TUBB3: variants seen among roughly 807,000 people sequenced by gnomAD.
TUBB3 encodes the protein tubulin beta-3 chain.
TUBB3 carries 17 observed loss-of-function variants against 37.8 expected under a neutral mutation model. That is an observed-to-expected ratio of 0.45 (90% CI 0.31 to 0.67). The LOEUF is 0.67. Among genes scored for constraint, TUBB3 ranks in the 30% least tolerant of loss-of-function variants. The pLI, the probability that TUBB3 is intolerant of heterozygous loss-of-function variation, is 0.07. For synonymous variants in TUBB3, 332 were observed against 278.9 expected (o/e 1.19, Z -1.90); for missense variants, 262 against 657.9 (o/e 0.40, Z 6.58).
intron 1 of TUBB3, among the ~76,000 whole-genome samples, chr16:89,929,339 A>G (rs1163749536): frequency 2.0e-5 from 3 of 152,182 alleles, no homozygotes; most frequent in Non-Finnish European, 1.5e-5. Context: ...CAAAAGATGG[A>G]AAGAAATCCA....
chr16:89,930,795 CA>C (rs749768960), intron 1 of TUBB3, among the ~76,000 whole-genome samples: 28 of 151,514 alleles, frequency 1.8e-4, no homozygotes, highest in Admixed American at 3.3e-4. Flanking sequence ...TCCTGCACAG[CA>C]GTTTCCACTA....
At chr16:89,928,401 C>G (rs1250841832) in intron 1 of TUBB3, among the ~76,000 whole-genome samples, 1 of 151,984 alleles carries the variant, frequency 6.6e-6, no homozygotes, top group Non-Finnish European at 1.5e-5. Context: ...CTCTGTCACT[C>G]AGGCTGGAGT....
rs903085129 is a variant in TUBB3, at chr16:89,932,451, G to T, written c.58-120G>T. The T allele has an allele frequency of 7.8e-6, 6 of 771,826 alleles. No homozygotes were observed. In the East Asian group the frequency reaches 1.3e-4, roughly 17 times the overall value. The allele number at this position is 771,826 out of a possible 1,614,324, so 47.8% of individuals were successfully genotyped here. A position where few individuals can be genotyped will look rare whatever the true frequency, so the allele number is the denominator to read the frequency against. On this transcript the variant is annotated intron_variant, in intron 1 of 3. Coordinates refer to ENST00000315491, the MANE Select transcript of TUBB3 (RefSeq NM_006086.4). ...TGGGGCTCTCTTCTGAATGGGGCTC[G>T]TGGAGGCCGTGGGTCAAAAGCCCTA...
chr16:89,926,573 G>A (rs1306709539), intron 1 of TUBB3, among the ~76,000 whole-genome samples: 1 of 152,262 alleles, frequency 6.6e-6, no homozygotes, highest in Admixed American at 6.5e-5. Context: ...TGTGTTTCCA[G>A]GTTTTTGTTT....
intron 1 of TUBB3, among the ~76,000 whole-genome samples, chr16:89,927,391 A>G (rs1408920988): frequency 6.6e-6 from 1 of 152,090 alleles, no homozygotes; most frequent in Non-Finnish European, 1.5e-5. Flanking sequence ...TCTAAAAAAA[A>G]AAAAGGAACA....
chr16:89,930,831 CT>C (rs779118425), intron 1 of TUBB3, among the ~76,000 whole-genome samples: 320 of 140,772 alleles, frequency 2.3e-3, no homozygotes, highest in Middle Eastern at 7.6e-3. Flanking sequence ...CGAGAGGCAT[CT>C]TTTTTTTTTT....
At chr16:89,933,247 C>T (rs926607028) in intron 2 of TUBB3, 1 of 696,790 alleles carries the variant, frequency 1.4e-6, no homozygotes, top group South Asian at 1.5e-5. Flanking sequence ...CTGAATCCTG[C>T]CTGTCCTGCT....
chr16:89,926,670 T>G (rs1477598662), intron 1 of TUBB3, among the ~76,000 whole-genome samples: 1 of 152,118 alleles, frequency 6.6e-6, no homozygotes, highest in Non-Finnish European at 1.5e-5. Context: ...GCCTCCCGAG[T>G]AGCTGGGACC....
In TUBB3 at chr16:89,935,797, C is replaced by A. The variant is rs1419813994; in HGVS notation, c.1346C>A (p.Pro449His). The part of the protein sequence containing the change: ...DDEEESEAQG[P>H]K ...GAGGAGGAGTCGGAGGCCCAGGGCC[C>A]CAAGTGAAGCTGCTCGCAGCTGGAG... The change falls in exon 4 of 4, where the codon CCC (proline) becomes CAC (histidine). Residue 449 changes from proline to histidine, a missense_variant. Transcript: ENST00000315491. 1 of 1,612,668 alleles carries A rather than the reference C, an allele frequency of 6.2e-7. No homozygotes were observed. The highest frequency in any genetic ancestry group is 2.2e-5 in the East Asian group (1 of 44,876).
chr16:89,927,982 T>G (rs1018824316), intron 1 of TUBB3, among the ~76,000 whole-genome samples: 1 of 152,158 alleles, frequency 6.6e-6, no homozygotes, highest in African/African-American at 2.4e-5. Context: ...AGCAACTAAA[T>G]TAATGGGGGA....
chr16:89,926,303 C>T (rs1318297614), intron 1 of TUBB3, among the ~76,000 whole-genome samples: 1 of 152,214 alleles, frequency 6.6e-6, no homozygotes. Context: ...CAATGGGAGG[C>T]GGAGTCCCTG....
In TUBB3 at chr16:89,935,892, A is replaced by C; in HGVS notation, c.*88A>C. The C allele has an allele frequency of 6.8e-7, 1 of 1,479,900 alleles. No individual in the cohort carries two copies. The highest frequency in any genetic ancestry group is 1.3e-5 in the South Asian group (1 of 75,840). 91.7% of individuals were successfully genotyped at this position (1,479,900 alleles called of 1,614,324 possible). ...CCCCCGGAGCCATCTTGCTGCCGACACCCTGCTTTCCCCTCGCCCTAGGGC... is the reference window on the plus strand; with the variant it reads ...CCCCCGGAGCCATCTTGCTGCCGACCCCCTGCTTTCCCCTCGCCCTAGGGC... On this transcript the variant is annotated 3_prime_UTR_variant, in exon 4 of 4. Coordinates refer to ENST00000315491, the MANE Select transcript of TUBB3 (RefSeq NM_006086.4).
chr16:89,933,024 C>T, intron 2 of TUBB3: 1 of 477,628 alleles, frequency 2.1e-6, no homozygotes, highest in Non-Finnish European at 3.9e-6. Flanking sequence ...GGCTCTTTAG[C>T]AACTGGTGTG....
At chr16:89,924,548 G>A (rs965857976) in intron 1 of TUBB3, among the ~76,000 whole-genome samples, 32 of 152,208 alleles carry the variant, frequency 2.1e-4, no homozygotes, top group Middle Eastern at 3.4e-3. Context: ...GAAGGAGGGG[G>A]TGCAGGAGAC....
At chr16:89,934,615 G>T in intron 3 of TUBB3, 114 bp from the exon 4 acceptor site, 1 of 1,064,260 alleles carries the variant, frequency 9.4e-7, no homozygotes, top group Non-Finnish European at 1.4e-6. Flanking sequence ...CTTTACAGAA[G>T]ACAGAACAGG....
At chr16:89,923,636 C>T (rs527478590) in intron 1 of TUBB3, among the ~76,000 whole-genome samples, 178 bp downstream of exon 1, 1 of 152,290 alleles carries the variant, frequency 6.6e-6, no homozygotes, top group East Asian at 1.9e-4. Flanking sequence ...CTCGCCTGCA[C>T]CTCTCTGCCC....
At chr16:89,933,246 G>C in intron 2 of TUBB3, 1 of 697,088 alleles carries the variant, frequency 1.4e-6, no homozygotes, top group Non-Finnish European at 2.6e-6. Flanking sequence ...ACTGAATCCT[G>C]CCTGTCCTGC....
At chr16:89,934,675 T>C in intron 3 of TUBB3, 54 bp from the exon 4 acceptor site, 1 of 1,561,390 alleles carries the variant, frequency 6.4e-7, no homozygotes. Context: ...GGGCTGGAGG[T>C]CTGGACTGCA....
intron 1 of TUBB3, among the ~76,000 whole-genome samples, chr16:89,925,805 C>T (rs994358502): frequency 3.3e-5 from 5 of 152,200 alleles, no homozygotes; most frequent in Admixed American, 2.6e-4. Flanking sequence ...CGGGCGGTGC[C>T]TGGCTGGGCA....
Sources: gnomAD v4.1 joint callset for allele counts (sites outside exome capture counted in the v4.1 genomes callset) on GRCh38, gnomAD v4.1.1 for gene constraint, MANE v1.5 for transcripts, NCBI Gene and HGNC (gene_info 2026-07-23, HGNC 2026-07-21) for gene names.